Variants in COX7B2 observed in about 807,000 individuals in gnomAD.
COX7B2 encodes cytochrome c oxidase subunit 7B2, also known as cytochrome c oxidase subunit 7B2, mitochondrial.
For missense variants in COX7B2, 109 were observed against 95.9 expected (o/e 1.14, Z -0.57); for synonymous variants, 37 against 32.1 (o/e 1.15, Z -0.51).
intron 1 of COX7B2, among the ~76,000 whole-genome samples, chr4:46,894,700 C>A (rs1176509633): frequency 2.6e-5 from 4 of 152,298 alleles, no homozygotes; most frequent in East Asian, 1.9e-4. Context: ...AGTACACAGA[C>A]AACCTACAGA....
intron 2 of COX7B2, among the ~76,000 whole-genome samples, chr4:46,832,609 A>G (rs568483534): frequency 6.6e-6 from 1 of 152,258 alleles, no homozygotes; most frequent in Admixed American, 6.5e-5. Context: ...GTGAAATGTG[A>G]TTCCCAATGT....
chr4:46,830,448 G>C (rs1715000014), intron 2 of COX7B2, among the ~76,000 whole-genome samples: 1 of 151,704 alleles, frequency 6.6e-6, no homozygotes, highest in Non-Finnish European at 1.5e-5. Flanking sequence ...GAAATAAAAA[G>C]TTAAAATGAC....
At chr4:46,903,340 G>A (rs1720180636) in intron 1 of COX7B2, among the ~76,000 whole-genome samples, 1 of 152,140 alleles carries the variant, frequency 6.6e-6, no homozygotes, top group Non-Finnish European at 1.5e-5. Context: ...ATACAGTCAT[G>A]TGCCACATAA....
At chr4:46,836,289 C>T (rs1295116025) in intron 2 of COX7B2, among the ~76,000 whole-genome samples, 6 of 152,082 alleles carry the variant, frequency 3.9e-5, no homozygotes, top group Admixed American at 3.9e-4. Flanking sequence ...AACACAAACA[C>T]TGTACAACTG....
intron 2 of COX7B2, among the ~76,000 whole-genome samples, chr4:46,833,134 A>G (rs1325115461): frequency 6.6e-6 from 1 of 152,082 alleles, no homozygotes; most frequent in Non-Finnish European, 1.5e-5. Flanking sequence ...TCAACTCCCA[A>G]CCTCAGGTGA....
chr4:46,804,790 C>A, intron 2 of COX7B2, among the ~76,000 whole-genome samples: 1 of 152,252 alleles, frequency 6.6e-6, no homozygotes, highest in Admixed American at 6.5e-5. Flanking sequence ...CTACCGGGGC[C>A]GCAGGTGGAG....
rs139508508 is a variant in COX7B2, at chr4:46,806,316, T to C, written c.-50+38644A>G. Among the ~76,000 whole-genome samples, 1,315 of 151,844 alleles carry C rather than the reference T, an allele frequency of 8.7e-3. 16 individuals are homozygous for C. The highest frequency in any genetic ancestry group is 0.03 in the African/African-American group (1,236 of 41,450). On this transcript the variant is annotated intron_variant, in intron 2 of 2. Transcript: ENST00000355591. ...CTTAAAGCAGAAAAAACAATACTAA[T>C]GACAGACCTTCCATATGATGAAAAA...
chr4:46,825,064 C>G (rs1330622770), intron 2 of COX7B2, among the ~76,000 whole-genome samples: 1 of 151,718 alleles, frequency 6.6e-6, no homozygotes, highest in African/African-American at 2.4e-5. Flanking sequence ...AAAAATAAAA[C>G]GAATCCAAAT....
chr4:46,887,674 G>A (rs1386185508), intron 1 of COX7B2, among the ~76,000 whole-genome samples: 2 of 139,798 alleles, frequency 1.4e-5, no homozygotes, highest in Non-Finnish European at 3.0e-5. Flanking sequence ...TTGTGCAACT[G>A]CACTCCAGCC....
chr4:46,876,873 C>T (rs1037093972), intron 1 of COX7B2: 1 of 152,134 alleles, frequency 6.6e-6, no homozygotes, highest in Non-Finnish European at 1.5e-5. Flanking sequence ...GTATGAGTTT[C>T]GCTAAAGGCT....
intron 2 of COX7B2, among the ~76,000 whole-genome samples, chr4:46,833,126 A>G (rs1715273911): frequency 6.6e-6 from 1 of 152,094 alleles, no homozygotes; most frequent in Admixed American, 6.5e-5. Flanking sequence ...GCTGGTCTTC[A>G]ACTCCCAACC....
chr4:46,877,442 C>T (rs1022454160), intron 1 of COX7B2, among the ~76,000 whole-genome samples: 7 of 152,058 alleles, frequency 4.6e-5, no homozygotes, highest in African/African-American at 9.7e-5. Flanking sequence ...ACATTGTGAC[C>T]GCAAACTTTT....
At chr4:46,872,229 C>A (rs112283998) in intron 1 of COX7B2, among the ~76,000 whole-genome samples, 8,657 of 152,054 alleles carry the variant, frequency 0.057, 317 homozygotes, top group South Asian at 0.16. Flanking sequence ...GAACAGAAAA[C>A]CAAATACTAC....
At chr4:46,824,838 T>C (rs1714567084) in intron 2 of COX7B2, among the ~76,000 whole-genome samples, 1 of 152,086 alleles carries the variant, frequency 6.6e-6, no homozygotes, top group Non-Finnish European at 1.5e-5. Context: ...CAAAACTTCA[T>C]GTTAAAAAAC....
intron 2 of COX7B2, among the ~76,000 whole-genome samples, chr4:46,811,076 TTC>T (rs1449443415): frequency 6.6e-6 from 1 of 152,170 alleles, no homozygotes; most frequent in Non-Finnish European, 1.5e-5. Context: ...GCTTTTAAAA[TTC>T]TCTCTTTATC....
At chr4:46,815,175 C>CAAA (rs760743513) in intron 2 of COX7B2, among the ~76,000 whole-genome samples, 4 of 75,022 alleles carry the variant, frequency 5.3e-5, no homozygotes, top group African/African-American at 2.0e-4. Context: ...GACTCTGTCT[C>CAAA]AAAAAAAAAA....
Position 46,852,563 on chromosome 4 carries a change from T to TACAC in COX7B2, c.-104-7553_-104-7550dup, listed in dbSNP as rs113148039. Among the ~76,000 whole-genome samples, 743 of 145,778 alleles carry TACAC rather than the reference T, an allele frequency of 5.1e-3. 5 individuals are homozygous for TACAC. The highest frequency in any genetic ancestry group is 0.016 in the African/African-American group (655 of 40,096). ...GGTTATATAAATATGAATACACAAA[T>TACAC]ACACACACACACACACACACACACA... On this transcript the variant is annotated intron_variant, in intron 1 of 2. Transcript: ENST00000355591.
intron 2 of COX7B2, among the ~76,000 whole-genome samples, chr4:46,774,872 T>C (rs1469854714): frequency 6.6e-6 from 1 of 152,130 alleles, no homozygotes; most frequent in African/African-American, 2.4e-5. Context: ...AAATGTGATT[T>C]ACATTTTCAC....
chr4:46,861,049 C>T (rs1717306245), intron 1 of COX7B2, among the ~76,000 whole-genome samples: 1 of 152,172 alleles, frequency 6.6e-6, no homozygotes. Context: ...ATTGGCATAT[C>T]CTTCTAAGAT....
Sources: gnomAD v4.1 joint callset for allele counts (sites outside exome capture counted in the v4.1 genomes callset) on GRCh38, gnomAD v4.1.1 for gene constraint, MANE v1.5 for transcripts, NCBI Gene and HGNC (gene_info 2026-07-23, HGNC 2026-07-21) for gene names.